PRR16: variants seen among roughly 807,000 people sequenced by gnomAD.
PRR16 encodes the protein proline rich 16.
A neutral mutation model predicts 18.2 loss-of-function variants in PRR16; 6 were observed. That is an observed-to-expected ratio of 0.33 (90% CI 0.18 to 0.65). The LOEUF is 0.65. Among genes scored for constraint, PRR16 ranks in the 30% least tolerant of loss-of-function variants. The pLI, the probability that PRR16 is intolerant of heterozygous loss-of-function variation, is 0.74. For synonymous variants in PRR16, 151 were observed against 147.8 expected (o/e 1.02, Z -0.16); for missense variants, 412 against 376.6 (o/e 1.09, Z -0.78).
intron 1 of PRR16, among the ~76,000 whole-genome samples, chr5:120,622,569 C>G (rs1754724812): frequency 6.6e-6 from 1 of 152,072 alleles, no homozygotes; most frequent in African/African-American, 2.4e-5. Context: ...ACCTCCACCT[C>G]CTGGGTTTAA....
chr5:120,716,669 G>T, the PRR16 span, among the ~76,000 whole-genome samples: 5 of 152,124 alleles, frequency 3.3e-5, no homozygotes, highest in African/African-American at 4.8e-5. Flanking sequence ...GAGGTCAGGA[G>T]TTCGAGACCA....
At chr5:120,669,847 A>T (rs1756534605) in intron 1 of PRR16, among the ~76,000 whole-genome samples, 2 of 152,118 alleles carry the variant, frequency 1.3e-5, no homozygotes, top group African/African-American at 4.8e-5. Flanking sequence ...GAATTTAATG[A>T]AGTACAATAG....
In PRR16 at chr5:120,484,940, C is replaced by T. The variant is rs77607244; in HGVS notation, c.159+20295C>T. ...CTTATATCATTTAAATATAATTCTG[C>T]GATTTAAAACATTGTATATATTTTT... On this transcript the variant is annotated intron_variant, in intron 1 of 1. Coordinates refer to ENST00000407149, the MANE Select transcript of PRR16 (RefSeq NM_001300783.2). Among the ~76,000 whole-genome samples the T allele has an allele frequency of 6.3e-3, 945 of 151,082 alleles. 19 individuals carry two copies. The highest frequency in any genetic ancestry group is 0.041 in the East Asian group (213 of 5,152).
intron 1 of PRR16, among the ~76,000 whole-genome samples, chr5:120,609,207 T>G (rs1409323327): frequency 2.0e-5 from 3 of 152,126 alleles, no homozygotes; most frequent in Non-Finnish European, 4.4e-5. Context: ...GTTAGATATA[T>G]ATAAGTAAAA....
At chr5:120,527,083 G>A (rs954004626) in intron 1 of PRR16, among the ~76,000 whole-genome samples, 1 of 151,948 alleles carries the variant, frequency 6.6e-6, no homozygotes, top group East Asian at 1.9e-4. Flanking sequence ...TGACTCTTTT[G>A]GATACCTCAT....
chr5:120,542,104 G>A (rs1313538779), intron 1 of PRR16, among the ~76,000 whole-genome samples: 1 of 152,016 alleles, frequency 6.6e-6, no homozygotes, highest in African/African-American at 2.4e-5. Flanking sequence ...TTGTGTGTGT[G>A]TTATATTTCT....
At chr5:120,757,138 G>C in the PRR16 span, among the ~76,000 whole-genome samples, 3 of 151,906 alleles carry the variant, frequency 2.0e-5, no homozygotes, top group Admixed American at 2.0e-4. Flanking sequence ...TGGGTTTGTG[G>C]CCTTATTTTT....
chr5:120,726,843 G>A, the PRR16 span, among the ~76,000 whole-genome samples: 1 of 152,082 alleles, frequency 6.6e-6, no homozygotes, highest in South Asian at 2.1e-4. Flanking sequence ...AGGCCTGTTT[G>A]AGTATCTCCA....
chr5:120,575,414 T>C (rs1753044828), intron 1 of PRR16, among the ~76,000 whole-genome samples: 1 of 149,034 alleles, frequency 6.7e-6, no homozygotes, highest in Non-Finnish European at 1.5e-5. Flanking sequence ...AACAAAATAC[T>C]AGCTAGCAAA....
At chr5:120,756,363 C>T in the PRR16 span, among the ~76,000 whole-genome samples, 1 of 152,028 alleles carries the variant, frequency 6.6e-6, no homozygotes, top group Non-Finnish European at 1.5e-5. Flanking sequence ...TCCCTTCCTC[C>T]AGACCTCCAA....
At chr5:120,659,128 A>T (rs1756089421) in intron 1 of PRR16, among the ~76,000 whole-genome samples, 1 of 152,022 alleles carries the variant, frequency 6.6e-6, no homozygotes. Flanking sequence ...GGATGTACAC[A>T]ATTATCAAAA....
intron 1 of PRR16, among the ~76,000 whole-genome samples, chr5:120,560,402 T>C (rs1298743042): frequency 6.6e-6 from 1 of 151,994 alleles, no homozygotes; most frequent in Non-Finnish European, 1.5e-5. Context: ...TGATCTTTTT[T>C]TTTGTACTTC....
intron 1 of PRR16, among the ~76,000 whole-genome samples, chr5:120,578,284 T>G (rs1192471867): frequency 1.3e-5 from 2 of 152,200 alleles, no homozygotes; most frequent in Non-Finnish European, 2.9e-5. Context: ...TTTTCTTTAT[T>G]TCTTCTAAAA....
chr5:120,693,764 C>T, the PRR16 span, among the ~76,000 whole-genome samples: 1 of 133,216 alleles, frequency 7.5e-6, no homozygotes, highest in Non-Finnish European at 1.7e-5. Context: ...TAGTTAAGGT[C>T]AGTTGTATCT....
the PRR16 span, among the ~76,000 whole-genome samples, chr5:120,785,511 ATTAT>A: frequency 1.5e-5 from 2 of 137,378 alleles, no homozygotes; most frequent in Non-Finnish European, 3.1e-5. Context: ...TATCAGATTA[ATTAT>A]TTGATTTACT....
At chr5:120,761,608 A>G in the PRR16 span, among the ~76,000 whole-genome samples, 1 of 152,050 alleles carries the variant, frequency 6.6e-6, no homozygotes, top group African/African-American at 2.4e-5. Context: ...TCAGTACATA[A>G]TATTTGTACA....
chr5:120,760,432 T>C, the PRR16 span, among the ~76,000 whole-genome samples: 1 of 152,132 alleles, frequency 6.6e-6, no homozygotes, highest in African/African-American at 2.4e-5. Context: ...CTCCCCCTCA[T>C]ATTAGTTTAA....
intron 1 of PRR16, among the ~76,000 whole-genome samples, chr5:120,546,160 A>G (rs1752068023): frequency 6.6e-6 from 1 of 152,090 alleles, no homozygotes; most frequent in African/African-American, 2.4e-5. Context: ...CTTAAGTATC[A>G]TGTTGCTCTA....
intron 1 of PRR16, among the ~76,000 whole-genome samples, chr5:120,467,497 C>T (rs1221108349): frequency 6.6e-6 from 1 of 151,986 alleles, no homozygotes; most frequent in Non-Finnish European, 1.5e-5. Flanking sequence ...CAATATTAAA[C>T]TTTGGTTTGA....
Sources: allele counts gnomAD v4.1 joint callset (sites outside exome capture counted in the v4.1 genomes callset), GRCh38; gene constraint gnomAD v4.1.1; transcripts MANE v1.5; gene names NCBI Gene and HGNC (gene_info 2026-07-23, HGNC 2026-07-21).